The following MANBAL variants were observed in gnomAD, a reference collection of about 807,000 sequenced individuals.
The protein encoded by MANBAL is protein MANBAL.
A neutral mutation model predicts 6.4 loss-of-function variants in MANBAL; 1 was observed. That is an observed-to-expected ratio of 0.16 (90% CI 0.06 to 0.74). The LOEUF is 0.74. MANBAL is among the 30% of genes least tolerant of loss of function. The pLI is 0.78. For missense variants in MANBAL, 100 were observed against 107.8 expected (o/e 0.93, Z 0.32); for synonymous variants, 47 against 45.8 (o/e 1.03, Z -0.10).
intron 2 of MANBAL, chr20:37,302,132 T>C (rs1809626519): frequency 4.4e-6 from 5 of 1,144,784 alleles, no homozygotes; most frequent in Non-Finnish European, 6.3e-6. Context: ...ACCCACTTTC[T>C]TGCCCACTCC....
intron 1 of MANBAL, among the ~76,000 whole-genome samples, chr20:37,296,056 C>G (rs1261973040): frequency 2.6e-5 from 4 of 152,218 alleles, no homozygotes; most frequent in Non-Finnish European, 4.4e-5. Flanking sequence ...CCTCCTGTTA[C>G]ACCTGTGCTG....
intron 2 of MANBAL, among the ~76,000 whole-genome samples, chr20:37,313,435 T>A (rs888989289): frequency 6.6e-6 from 1 of 152,010 alleles, no homozygotes; most frequent in African/African-American, 2.4e-5. Context: ...CTGGGCGCAG[T>A]GGCTCACGCC....
At chr20:37,295,316 CAG>C (rs2068968761) in intron 1 of MANBAL, among the ~76,000 whole-genome samples, 1 of 152,162 alleles carries the variant, frequency 6.6e-6, no homozygotes, top group South Asian at 2.1e-4. Flanking sequence ...AAATAGAAAA[CAG>C]TAGATTCCAG....
At chr20:37,300,602 TAAAC>T (rs1033993017) in intron 1 of MANBAL, among the ~76,000 whole-genome samples, 3 of 152,190 alleles carry the variant, frequency 2.0e-5, no homozygotes, top group African/African-American at 4.8e-5. Context: ...CATGAATAAA[TAAAC>T]AACAAAACCT....
chr20:37,308,407 G>A (rs1339376186), intron 2 of MANBAL, among the ~76,000 whole-genome samples: 1 of 152,192 alleles, frequency 6.6e-6, no homozygotes, highest in Non-Finnish European at 1.5e-5. Context: ...TGTGACACCA[G>A]TTCCCTGGAG....
chr20:37,291,290 C>A (rs2068862900), intron 1 of MANBAL, among the ~76,000 whole-genome samples: 1 of 151,982 alleles, frequency 6.6e-6, no homozygotes, highest in Admixed American at 6.6e-5. Context: ...TCTGAAATGT[C>A]ACAATTACTG....
At chr20:37,303,599 G>T (rs1440013865) in intron 2 of MANBAL, among the ~76,000 whole-genome samples, 2 of 152,138 alleles carry the variant, frequency 1.3e-5, no homozygotes, top group African/African-American at 4.8e-5. Flanking sequence ...CCCAGGTTCA[G>T]TGATGCACTA....
intron 2 of MANBAL, among the ~76,000 whole-genome samples, chr20:37,308,839 TAGTC>T (rs546253468): frequency 9.8e-5 from 15 of 152,348 alleles, no homozygotes; most frequent in Middle Eastern, 3.4e-3. Flanking sequence ...GTGTGGCAGA[TAGTC>T]AGTCATACAC....
At chr20:37,296,933 A>G (rs920291094) in intron 1 of MANBAL, 10 of 152,254 alleles carry the variant, frequency 6.6e-5, no homozygotes, top group Middle Eastern at 6.8e-3. Flanking sequence ...CTATCTTTCT[A>G]TTGTACCACT....
At position 37,306,431 on chromosome 20, in the gene MANBAL, TC is replaced by T. The variant is rs1350767905; in HGVS notation, c.150+5021del. Among the ~76,000 whole-genome samples the T allele has an allele frequency of 2.0e-5, 3 of 152,262 alleles. No homozygotes were observed. In the East Asian group the frequency reaches 5.8e-4, roughly 29 times the overall value. On this transcript the variant is annotated intron_variant, in intron 2 of 2. Coordinates refer to ENST00000373606, the MANE Select transcript of MANBAL (RefSeq NM_001003897.2). The stretch of plus-strand genomic sequence containing the variant: ...AAAAGAGGGAACACATACAAATGCT[TC>T]CCACCCCACCCCCTTCCTTTTCATA...
chr20:37,298,779 A>G (rs2069062262), intron 1 of MANBAL: 1 of 150,076 alleles, frequency 6.7e-6, no homozygotes, highest in African/African-American at 2.5e-5. Flanking sequence ...TCACCCCGTC[A>G]CTCAGGGTGG....
chr20:37,295,233 T>G (rs1032646165), intron 1 of MANBAL, among the ~76,000 whole-genome samples: 1 of 152,210 alleles, frequency 6.6e-6, no homozygotes, highest in Non-Finnish European at 1.5e-5. Flanking sequence ...TTACCAAATA[T>G]TTATGAGTCA....
intron 2 of MANBAL, among the ~76,000 whole-genome samples, chr20:37,314,659 T>C (rs1266007999): frequency 6.6e-6 from 1 of 152,180 alleles, no homozygotes; most frequent in Non-Finnish European, 1.5e-5. Context: ...AGCACTGCAG[T>C]GAGAGGCCTG....
At chr20:37,301,873 C>T (rs1262801790) in intron 2 of MANBAL, among the ~76,000 whole-genome samples, 1 of 152,052 alleles carries the variant, frequency 6.6e-6, no homozygotes, top group African/African-American at 2.4e-5. Flanking sequence ...GGGCAAGGGG[C>T]GAGGACAACA....
chr20:37,301,343 T>C lies in MANBAL; in HGVS notation c.80T>C (p.Phe27Ser). ...FLENLLRYGL[F>S]LGAIFQLICV... ...GAGAACCTGCTACGGTACGGACTCT[T>C]CCTGGGAGCCATCTTCCAGCTCATC... The change falls in exon 2 of 3, where the codon TTC becomes TCC. Residue 27 changes from phenylalanine (F) to serine (S), a missense_variant. By Grantham distance (155) the Phe-to-Ser change is radical. Transcript: ENST00000373606. 6.2e-7 allele frequency: 1 copy of C among 1,613,828 alleles called. No homozygotes were observed. Among genetic ancestry groups the C allele is most frequent in the Non-Finnish European group, 8.5e-7 (1 of 1,179,840 alleles).
intron 2 of MANBAL, among the ~76,000 whole-genome samples, chr20:37,306,040 G>A (rs567933884): frequency 1.4e-4 from 22 of 152,284 alleles, no homozygotes; most frequent in African/African-American, 5.1e-4. Flanking sequence ...GCCCATGGGA[G>A]TGGGGGCAGC....
intron 1 of MANBAL, among the ~76,000 whole-genome samples, chr20:37,299,351 T>C (rs910840325): frequency 3.9e-5 from 6 of 152,210 alleles, no homozygotes; most frequent in Non-Finnish European, 1.5e-5. Flanking sequence ...AGTGCTGAGA[T>C]TATAGGCGTG....
intron 1 of MANBAL, among the ~76,000 whole-genome samples, chr20:37,300,467 T>A (rs1453312832): frequency 6.6e-6 from 1 of 152,178 alleles, no homozygotes; most frequent in Non-Finnish European, 1.5e-5. Context: ...GCATATCACA[T>A]CTCGACGTGT....
rs1448835875 is a variant in MANBAL, at chr20:37,293,771, A to G, written c.-57+4085A>G. On this transcript the variant is annotated intron_variant, in intron 1 of 2. Transcript: ENST00000373606. ...CCCTGTGGGAAACAACTTATCAGCT[A>G]GAGTACAGTGTGTACGTGCAGTTCC... 3.3e-5 allele frequency among the ~76,000 whole-genome samples: 5 copies of G among 152,370 alleles called. No homozygotes were observed. In the East Asian group the frequency reaches 5.8e-4, roughly 18 times the overall value.
Sources: gnomAD v4.1 joint callset for allele counts (sites outside exome capture counted in the v4.1 genomes callset) on GRCh38, gnomAD v4.1.1 for gene constraint, MANE v1.5 for transcripts, NCBI Gene and HGNC (gene_info 2026-07-23, HGNC 2026-07-21) for gene names.